The following DLGAP1 variants were observed in gnomAD, a reference collection of about 807,000 sequenced individuals.
DLGAP1 encodes the protein DLG associated protein 1.
Under a neutral mutation model 90.8 loss-of-function variants are expected in DLGAP1, and 11 were observed. That is an observed-to-expected ratio of 0.12 (90% CI 0.08 to 0.20). The LOEUF is 0.20. Ranked by LOEUF, DLGAP1 falls within the 10% of genes least tolerant of loss-of-function variation. The pLI is 1.00. For synonymous variants in DLGAP1, 558 were observed against 540.7 expected (o/e 1.03, Z -0.44); for missense variants, 1,050 against 1,333.8 (o/e 0.79, Z 3.31).
chr18:4,305,992 A>C (rs2080243893), intron 1 of DLGAP1, among the ~76,000 whole-genome samples: 1 of 150,160 alleles, frequency 6.7e-6, no homozygotes, highest in South Asian at 2.1e-4. Flanking sequence ...TAATGAAACA[A>C]CTCCCAAAAC....
chr18:4,374,081 C>G (rs914602156), intron 1 of DLGAP1, among the ~76,000 whole-genome samples: 6 of 152,054 alleles, frequency 3.9e-5, no homozygotes, highest in African/African-American at 1.4e-4. Context: ...CAGAAATGAT[C>G]CACACTAACT....
chr18:3,620,773 G>C (rs1243875077), intron 7 of DLGAP1, among the ~76,000 whole-genome samples: 1 of 152,116 alleles, frequency 6.6e-6, no homozygotes, highest in Non-Finnish European at 1.5e-5. Flanking sequence ...GGCCAGGCTG[G>C]TCTTGGACTC....
At chr18:4,045,364 T>C (rs969712644) in intron 2 of DLGAP1, among the ~76,000 whole-genome samples, 7 of 140,464 alleles carry the variant, frequency 5.0e-5, no homozygotes, top group African/African-American at 1.9e-4. Flanking sequence ...TTTCTAGAAT[T>C]ACCTAAGATT....
chr18:3,682,147 T>A (rs1373326551), intron 7 of DLGAP1, among the ~76,000 whole-genome samples: 9 of 148,046 alleles, frequency 6.1e-5, no homozygotes, highest in Non-Finnish European at 1.0e-4. Context: ...AAAATAAAAA[T>A]AACGAACGAA....
intron 7 of DLGAP1, among the ~76,000 whole-genome samples, chr18:3,585,828 A>C (rs2055847116): frequency 6.6e-6 from 1 of 152,216 alleles, no homozygotes; most frequent in African/African-American, 2.4e-5. Context: ...AAAAAGCTAG[A>C]TAATTCAGCC....
chr18:4,414,550 C>G (rs766573425), intron 1 of DLGAP1, among the ~76,000 whole-genome samples: 1 of 151,800 alleles, frequency 6.6e-6, no homozygotes, highest in Admixed American at 6.6e-5. Context: ...ATAGTGAAAC[C>G]CAATCTCTAC....
At chr18:3,839,200 A>C (rs2068568468) in intron 4 of DLGAP1, among the ~76,000 whole-genome samples, 1 of 152,186 alleles carries the variant, frequency 6.6e-6, no homozygotes, top group Non-Finnish European at 1.5e-5. Context: ...GGTACAATTA[A>C]TGAATTAATT....
chr18:4,066,431 T>G (rs1427039874), intron 2 of DLGAP1, among the ~76,000 whole-genome samples: 1 of 152,158 alleles, frequency 6.6e-6, no homozygotes, highest in Non-Finnish European at 1.5e-5. Context: ...TCTATGCATC[T>G]GACAAGGTCT....
chr18:3,782,761 C>A (rs2065256972), intron 5 of DLGAP1, among the ~76,000 whole-genome samples: 1 of 152,126 alleles, frequency 6.6e-6, no homozygotes, highest in Non-Finnish European at 1.5e-5. Context: ...TTTTAAAATG[C>A]CTTTGACCTC....
At chr18:3,663,132 G>T (rs1301590197) in intron 7 of DLGAP1, among the ~76,000 whole-genome samples, 2 of 152,068 alleles carry the variant, frequency 1.3e-5, no homozygotes, top group African/African-American at 4.8e-5. Context: ...TTAGCCGGGT[G>T]TGGTGGTGCA....
intron 7 of DLGAP1, among the ~76,000 whole-genome samples, chr18:3,634,928 T>C (rs945821513): frequency 6.6e-6 from 1 of 152,218 alleles, no homozygotes; most frequent in African/African-American, 2.4e-5. Flanking sequence ...TTATCTGACA[T>C]ACATGAGGCG....
intron 1 of DLGAP1, among the ~76,000 whole-genome samples, chr18:4,269,354 A>ATATATT (rs1247401948): frequency 7.6e-5 from 10 of 132,110 alleles, no homozygotes; most frequent in African/African-American, 2.9e-4. Context: ...ATATATATAT[A>ATATATT]TTTTTTTTTT....
chr18:4,205,299 T>A (rs917556463), intron 1 of DLGAP1, among the ~76,000 whole-genome samples: 2 of 152,072 alleles, frequency 1.3e-5, no homozygotes, highest in African/African-American at 4.8e-5. Context: ...CTTTAGGAGA[T>A]CTGAAGGGGT....
chr18:3,557,803 T>G lies in DLGAP1; in HGVS notation c.2057+9687A>C, dbSNP rs1362800538. Among the ~76,000 whole-genome samples the G allele has an allele frequency of 2.6e-5, 4 of 152,158 alleles. No homozygotes were observed. In the East Asian group the frequency reaches 7.8e-4, roughly 30 times the overall value. ...TCAGCCTGGCGTGGTGGCGGGTGCC[T>G]ATAATCACAGCTACTCGGAAGGCTG... On this transcript the variant is annotated intron_variant, in intron 9 of 12. Transcript: ENST00000315677.
intron 4 of DLGAP1, among the ~76,000 whole-genome samples, chr18:3,865,226 C>T (rs1479707905): frequency 6.6e-6 from 1 of 152,122 alleles, no homozygotes; most frequent in Non-Finnish European, 1.5e-5. Flanking sequence ...AATGGGCAGA[C>T]AGTGCATATT....
chr18:4,245,157 T>C (rs1436418165), intron 1 of DLGAP1, among the ~76,000 whole-genome samples: 1 of 152,220 alleles, frequency 6.6e-6, no homozygotes, highest in Non-Finnish European at 1.5e-5. Context: ...TCAAAGTGTA[T>C]AAGCTTGTAC....
At chr18:4,440,710 C>T (rs182380382) in intron 1 of DLGAP1, among the ~76,000 whole-genome samples, 3 of 152,200 alleles carry the variant, frequency 2.0e-5, no homozygotes, top group African/African-American at 4.8e-5. Flanking sequence ...ATAAAGGACA[C>T]TCACTATTCA....
chr18:4,313,837 A>C (rs2080460381), intron 1 of DLGAP1, among the ~76,000 whole-genome samples: 1 of 152,254 alleles, frequency 6.6e-6, no homozygotes, highest in Admixed American at 6.5e-5. Context: ...ATTGTTAACA[A>C]AGAAGTGACT....
intron 5 of DLGAP1, among the ~76,000 whole-genome samples, chr18:3,765,196 C>T (rs1042981253): frequency 6.0e-5 from 8 of 132,678 alleles, no homozygotes; most frequent in Middle Eastern, 3.4e-3. Flanking sequence ...GGCGCAGTCT[C>T]GGCTCATTGC....
Sources: allele counts gnomAD v4.1 joint callset (sites outside exome capture counted in the v4.1 genomes callset), GRCh38; gene constraint gnomAD v4.1.1; transcripts MANE v1.5; gene names NCBI Gene and HGNC (gene_info 2026-07-23, HGNC 2026-07-21).